MAB21L4: variants seen among roughly 807,000 people sequenced by gnomAD.
The protein encoded by MAB21L4 is protein mab-21-like 4.
A neutral mutation model predicts 32.4 loss-of-function variants in MAB21L4; 25 were observed. The observed-to-expected ratio is 0.77, with a 90% CI of 0.56 to 1.08. The LOEUF is 1.08. Ranked by LOEUF, MAB21L4 falls within the 50% of genes least tolerant of loss-of-function variation. MAB21L4 has a pLI of 0.00. For synonymous variants in MAB21L4, 280 were observed against 276.8 expected (o/e 1.01, Z -0.11); for missense variants, 638 against 611.0 (o/e 1.04, Z -0.47).
chr2:240,894,114 G>A (rs569781064), intron 1 of MAB21L4, among the ~76,000 whole-genome samples: 1 of 151,988 alleles, frequency 6.6e-6, no homozygotes, highest in East Asian at 2.0e-4. Context: ...GGCGGTGGCA[G>A]CACACCCTTC....
At chr2:240,887,282 T>C (rs2059103852) in intron 4 of MAB21L4, 120 bp from the exon 5 acceptor site, 1 of 777,974 alleles carries the variant, frequency 1.3e-6, no homozygotes, top group Non-Finnish European at 2.1e-6. Context: ...CGGGCCTTCC[T>C]GCCCCGGGTA....
At chr2:240,887,714 G>C (rs1011166630) in intron 4 of MAB21L4, among the ~76,000 whole-genome samples, 1 of 152,196 alleles carries the variant, frequency 6.6e-6, no homozygotes, top group African/African-American at 2.4e-5. Context: ...GATTGTGTTT[G>C]CTCCTGGGAT....
intron 1 of MAB21L4, among the ~76,000 whole-genome samples, chr2:240,893,241 G>A (rs576061393): frequency 5.9e-5 from 9 of 152,300 alleles, no homozygotes; most frequent in South Asian, 2.1e-4. Flanking sequence ...GGGTCCTTCC[G>A]GAGGGAGCCT....
At chr2:240,890,458 C>T (rs1339473878) in intron 2 of MAB21L4, among the ~76,000 whole-genome samples, 1 of 152,214 alleles carries the variant, frequency 6.6e-6, no homozygotes, top group Non-Finnish European at 1.5e-5. Context: ...GTTGGAACCA[C>T]TCAGCCCGGG....
intron 1 of MAB21L4, among the ~76,000 whole-genome samples, chr2:240,893,424 G>A (rs1300234914): frequency 6.6e-6 from 1 of 152,242 alleles, no homozygotes; most frequent in East Asian, 1.9e-4. Context: ...TGCAGCACTT[G>A]AGGTGCCTGC....
At chr2:240,887,683 CCT>C (rs1293679565) in intron 4 of MAB21L4, among the ~76,000 whole-genome samples, 3 of 152,210 alleles carry the variant, frequency 2.0e-5, no homozygotes, top group Admixed American at 6.5e-5. Context: ...CTGAGAAACC[CCT>C]GTTTGTGCCC....
intron 2 of MAB21L4, among the ~76,000 whole-genome samples, chr2:240,891,146 C>G (rs2059143909): frequency 6.6e-6 from 1 of 152,178 alleles, no homozygotes; most frequent in African/African-American, 2.4e-5. Flanking sequence ...TCACAGACAT[C>G]AATGTGGACG....
intron 2 of MAB21L4, 67 bp from the exon 3 acceptor site, chr2:240,890,225 G>T: frequency 1.3e-6 from 2 of 1,536,358 alleles, no homozygotes; most frequent in Non-Finnish European, 1.8e-6. Flanking sequence ...GGGAGCTTCT[G>T]AGCCCCGGAG....
At chr2:240,890,921 C>T (rs1056090731) in intron 2 of MAB21L4, among the ~76,000 whole-genome samples, 9 of 152,224 alleles carry the variant, frequency 5.9e-5, no homozygotes, top group African/African-American at 2.2e-4. Flanking sequence ...TGAGCCTTTC[C>T]TTGCAGGGGA....
upstream of MAB21L4, among the ~76,000 whole-genome samples, chr2:240,896,468 G>C (rs544073471): frequency 5.3e-5 from 8 of 152,300 alleles, no homozygotes; most frequent in African/African-American, 1.9e-4. Context: ...ATCTGGATCA[G>C]GCCCCCCTGC....
chr2:240,894,421 G>T (rs1353607651), intron 1 of MAB21L4, among the ~76,000 whole-genome samples: 3 of 152,120 alleles, frequency 2.0e-5, no homozygotes, highest in Non-Finnish European at 4.4e-5. Context: ...TGCACAGGCT[G>T]AGCCCTGTCC....
At chr2:240,889,832 G>T (rs7600652) in intron 3 of MAB21L4, among the ~76,000 whole-genome samples, 173 bp downstream of exon 3, 82,074 of 152,124 alleles carry the variant, frequency 0.54, 23,313 homozygotes, top group African/African-American at 0.73. Flanking sequence ...TTGACCCTCA[G>T]GAGCCACGGC....
upstream of MAB21L4, chr2:240,896,189 C>A: frequency 7.8e-7 from 1 of 1,285,860 alleles, no homozygotes; most frequent in Non-Finnish European, 9.8e-7. Context: ...TATTTAAGGC[C>A]TTTGAAGTGG....
intron 1 of MAB21L4, 89 bp downstream of exon 1, chr2:240,895,388 TCACACAC>T: frequency 8.2e-7 from 1 of 1,225,478 alleles, no homozygotes; most frequent in Non-Finnish European, 1.1e-6. Context: ...TACATGGCAA[TCACACAC>T]ATGTGCACTC....
chr2:240,896,159 G>A (rs553767600), upstream of MAB21L4: 1 of 1,331,682 alleles, frequency 7.5e-7, no homozygotes, highest in South Asian at 2.5e-5. Context: ...AGCACAGTGT[G>A]GCAGGTGAAA....
chr2:240,895,987 G>C lies in MAB21L4; in HGVS notation c.11C>G (p.Pro4Arg), dbSNP rs1365664058. The C allele has an allele frequency of 1.4e-6, 2 of 1,454,900 alleles. No individual in the cohort carries two copies. Among genetic ancestry groups the C allele is most frequent in the Non-Finnish European group, 1.8e-6 (2 of 1,109,070 alleles). 90.1% of individuals were successfully genotyped at this position (1,454,900 alleles called of 1,614,324 possible). A position where few individuals can be genotyped will look rare whatever the true frequency, so the allele number is the denominator to read the frequency against. MPA[P>R]ALPTSAMAVQ... The stretch of plus-strand genomic sequence containing the variant: ...GGCCATGGCTGAGGTGGGGAGAGCA[G>C]GGGCAGGCATCCCTTCAACAGTGGC... The change falls in exon 1 of 5, where the codon CCT becomes CGT. Residue 4 changes from proline (P) to arginine (R), a missense_variant. By Grantham distance (103) the Pro-to-Arg change is moderately radical (BLOSUM62 -2). Coordinates refer to ENST00000388934, the MANE Select transcript of MAB21L4 (RefSeq NM_001085437.3).
intron 3 of MAB21L4, among the ~76,000 whole-genome samples, chr2:240,889,383 C>G (rs1202614375): frequency 6.6e-6 from 1 of 152,168 alleles, no homozygotes; most frequent in Non-Finnish European, 1.5e-5. Flanking sequence ...CCAGCCCCAT[C>G]TGTGGAGCAG....
Position 240,888,644 on chromosome 2 carries a change from A to G in MAB21L4, c.899T>C (p.Val300Ala). The part of the protein sequence containing the change: ...DGLTFGHLKM[V>A]LLWASVLFLA... ...GAAGAGCACAGAGGCCCACAGCAGC[A>G]CCATCTGCAGGACAGCAGGGTCAGC... is the stretch of plus-strand genomic sequence containing the variant. Residue 300 changes from valine to alanine, a missense_variant, in exon 4 of 5, where the codon GTG becomes GCG. Transcript: ENST00000388934. 1.9e-6 allele frequency: 3 copies of G among 1,563,336 alleles called. No homozygotes were observed. The South Asian group carries it at 3.5e-5, about 18-fold the overall frequency.
At position 240,895,865 on chromosome 2, in the gene MAB21L4, T is replaced by A. The variant is rs540105241; in HGVS notation, c.133A>T (p.Thr45Ser). The A allele has an allele frequency of 6.4e-7, 1 of 1,557,424 alleles. No homozygotes were observed. Among genetic ancestry groups the A allele is most frequent in the African/African-American group, 1.4e-5 (1 of 73,602 alleles). The part of the protein sequence containing the change: ...DFQRAENVLL[T>S]VLERVHALDP... ...AGGGCATGCACGCGCTCCAGCACCG[T>A]GAGCAGCACGTTCTCTGCGCGCTGG... The change falls in exon 1 of 5, where the codon ACG becomes TCG. Residue 45 changes from threonine to serine, a missense_variant. By Grantham distance (58) the Thr-to-Ser change is moderately conservative. Transcript: ENST00000388934.
Sources: gnomAD v4.1 joint callset for allele counts (sites outside exome capture counted in the v4.1 genomes callset) on GRCh38, gnomAD v4.1.1 for gene constraint, MANE v1.5 for transcripts, NCBI Gene and HGNC (gene_info 2026-07-23, HGNC 2026-07-21) for gene names.